Variants in PAFAH1B1 observed in about 807,000 individuals in gnomAD.
The protein encoded by PAFAH1B1 is platelet-activating factor acetylhydrolase IB subunit beta.
PAFAH1B1 carries 2 observed loss-of-function variants against 57.5 expected under a neutral mutation model. The observed-to-expected ratio is 0.03, with a 90% confidence interval of 0.01 to 0.11. PAFAH1B1 has a LOEUF of 0.11. PAFAH1B1 is among the 10% of genes least tolerant of loss of function. The pLI, the probability that PAFAH1B1 is intolerant of heterozygous loss-of-function variation, is 1.00. For synonymous variants in PAFAH1B1, 152 were observed against 169.6 expected (o/e 0.90, Z 0.81); for missense variants, 257 against 512.0 (o/e 0.50, Z 4.81).
At chr17:2,681,231 G>C (rs1322136217) in intron 10 of PAFAH1B1, 1 of 153,140 alleles carries the variant, frequency 6.5e-6, no homozygotes, top group African/African-American at 2.4e-5. Context: ...GTGAGACCCT[G>C]CCTTTGAAAA....
At chr17:2,650,567 C>T (rs2068834730) in intron 2 of PAFAH1B1, among the ~76,000 whole-genome samples, 1 of 143,964 alleles carries the variant, frequency 6.9e-6, no homozygotes, top group African/African-American at 2.6e-5. Flanking sequence ...ACCTGGGAGG[C>T]CTCAGTGGGA....
At chr17:2,609,757 G>T (rs556354862) in intron 1 of PAFAH1B1, among the ~76,000 whole-genome samples, 23 of 151,852 alleles carry the variant, frequency 1.5e-4, no homozygotes, top group Non-Finnish European at 2.4e-4. Flanking sequence ...TGATCCACCC[G>T]CCTAGGCCTC....
rs2069270565 is a variant in PAFAH1B1, at chr17:2,676,537, G to A, written c.933G>A (p.Leu311=). 3 of 1,612,948 alleles carry A rather than the reference G, an allele frequency of 1.9e-6. No homozygotes were observed. Among genetic ancestry groups the A allele is most frequent in the South Asian group, 2.2e-5 (2 of 91,058 alleles). The part of the protein sequence containing the change: ...TKKSGKPGPF[L]LSGSRDKTIK... ...AAAGTGGTAAACCTGGGCCATTCTT[G>A]CTGTCTGGATCCAGAGACAAGACTA... is the stretch of plus-strand genomic sequence containing the variant. Residue 311 remains leucine (L), a synonymous_variant, in exon 9 of 11, where the codon TTG becomes TTA. Coordinates refer to ENST00000397195, the MANE Select transcript of PAFAH1B1 (RefSeq NM_000430.4).
At chr17:2,649,986 T>C (rs995491551) in intron 2 of PAFAH1B1, among the ~76,000 whole-genome samples, 3 of 152,192 alleles carry the variant, frequency 2.0e-5, no homozygotes, top group African/African-American at 7.2e-5. Flanking sequence ...AGAGAAAATA[T>C]ACCCTTTGGG....
At chr17:2,636,730 C>A (rs955593985) in intron 1 of PAFAH1B1, among the ~76,000 whole-genome samples, 1 of 152,016 alleles carries the variant, frequency 6.6e-6, no homozygotes, top group East Asian at 1.9e-4. Context: ...CGAAGGTATG[C>A]ATTTTTTTTT....
intron 1 of PAFAH1B1, among the ~76,000 whole-genome samples, chr17:2,599,911 G>T (rs1330320559): frequency 6.7e-6 from 1 of 148,734 alleles, no homozygotes. Context: ...ATTTTTGAAA[G>T]CATTGTAGAA....
intron 7 of PAFAH1B1, among the ~76,000 whole-genome samples, chr17:2,673,005 T>C (rs978373237): frequency 2.0e-5 from 3 of 151,274 alleles, no homozygotes; most frequent in Admixed American, 6.6e-5. Context: ...GAGGTGGAGG[T>C]TGCAGTGAGC....
At chr17:2,618,938 G>A (rs1354816253) in intron 1 of PAFAH1B1, among the ~76,000 whole-genome samples, 1 of 136,794 alleles carries the variant, frequency 7.3e-6, no homozygotes, top group Admixed American at 7.4e-5. Context: ...CTGGGCAATG[G>A]AGTGAGACTC....
At chr17:2,598,902 T>C (rs1007913016) in intron 1 of PAFAH1B1, among the ~76,000 whole-genome samples, 3 of 152,230 alleles carry the variant, frequency 2.0e-5, no homozygotes, top group Non-Finnish European at 4.4e-5. Context: ...CTGTTACATA[T>C]GTAATTTTTA....
intron 10 of PAFAH1B1, 89 bp from the exon 11 acceptor site, chr17:2,681,638 TAA>T: frequency 9.9e-7 from 1 of 1,007,448 alleles, no homozygotes. Context: ...ATTTTTTTTT[TAA>T]TTTTGTATTT....
intron 4 of PAFAH1B1, 54 bp downstream of exon 4, chr17:2,666,144 T>G (rs371390813): frequency 7.7e-7 from 1 of 1,296,160 alleles, no homozygotes. Flanking sequence ...ATAAACTTTC[T>G]GAAAATAACA....
chr17:2,616,897 A>G (rs1156844101), intron 1 of PAFAH1B1, among the ~76,000 whole-genome samples: 5 of 151,656 alleles, frequency 3.3e-5, no homozygotes, highest in African/African-American at 1.2e-4. Context: ...CCCCGTCTCT[A>G]CTAAAAATAC....
rs1316545322 is a variant in PAFAH1B1 at position 2,613,906 on chromosome 17, G to A, written c.-191+19900G>A. ...AGGGGGGCCTGAAATGGGGGCCCAG[G>A]GTGATGTGAGGGGCATTCTGGGGCG... On this transcript the variant is annotated intron_variant, in intron 1 of 10. Coordinates refer to ENST00000397195, the MANE Select transcript of PAFAH1B1 (RefSeq NM_000430.4). 2.5e-5 allele frequency: 5 copies of A among 198,920 alleles called. No individual in the cohort carries two copies. The East Asian group carries it at 6.0e-4, about 24-fold the overall frequency. 12.3% of individuals were successfully genotyped at this position (198,920 alleles called of 1,614,324 possible). A position where few individuals can be genotyped will look rare whatever the true frequency, so the allele number is the denominator to read the frequency against.
chr17:2,631,206 A>G (rs1438273807), intron 1 of PAFAH1B1, among the ~76,000 whole-genome samples: 2 of 152,044 alleles, frequency 1.3e-5, no homozygotes, highest in Non-Finnish European at 2.9e-5. Context: ...GGACCACTGC[A>G]CTTCAGCCTG....
chr17:2,611,054 T>C (rs2068261524), intron 1 of PAFAH1B1, among the ~76,000 whole-genome samples: 2 of 152,212 alleles, frequency 1.3e-5, no homozygotes, highest in Admixed American at 1.3e-4. Context: ...GACTGTACAT[T>C]AAAATTCTTG....
At chr17:2,664,004 A>T (rs552338989) in intron 2 of PAFAH1B1, among the ~76,000 whole-genome samples, 1 of 151,178 alleles carries the variant, frequency 6.6e-6, no homozygotes, top group South Asian at 2.1e-4. Flanking sequence ...CTGGTCTTGA[A>T]CTTCTGACCT....
At chr17:2,618,595 A>G (rs2068377553) in intron 1 of PAFAH1B1, among the ~76,000 whole-genome samples, 1 of 152,078 alleles carries the variant, frequency 6.6e-6, no homozygotes, top group Non-Finnish European at 1.5e-5. Context: ...AAAAGAAATT[A>G]TTTGACTGCA....
chr17:2,660,328 A>C (rs1029361341), intron 2 of PAFAH1B1, among the ~76,000 whole-genome samples: 2 of 151,398 alleles, frequency 1.3e-5, no homozygotes, highest in Admixed American at 1.3e-4. Flanking sequence ...GGTTTGCTGC[A>C]CCTATCAAGT....
At position 2,652,265 on chromosome 17, in the gene PAFAH1B1, AT is replaced by A. The variant is rs749404803; in HGVS notation, c.33-13105del. On this transcript the variant is annotated intron_variant, in intron 2 of 10. Transcript: ENST00000397195. ...CTCTACTAAAAATACAAAAAAAAAA[AT>A]TGGCCGGGCGTGGTGGCGGGTGCCT... Among the ~76,000 whole-genome samples the A allele has an allele frequency of 2.6e-5, 4 of 151,786 alleles. No individual in the cohort carries two copies. The East Asian group carries it at 7.7e-4, about 29-fold the overall frequency.
Sources: gnomAD v4.1 joint callset for allele counts (sites outside exome capture counted in the v4.1 genomes callset) on GRCh38, gnomAD v4.1.1 for gene constraint, MANE v1.5 for transcripts, NCBI Gene and HGNC (gene_info 2026-07-23, HGNC 2026-07-21) for gene names.